The following CLEC5A variants were observed in gnomAD, a reference collection of about 807,000 sequenced individuals.
CLEC5A encodes the protein C-type lectin domain family 5 member A.
CLEC5A carries 15 observed loss-of-function variants against 24.4 expected under a neutral mutation model. That is an observed-to-expected ratio of 0.62 (90% CI 0.41 to 0.95). CLEC5A has a LOEUF of 0.95. CLEC5A is among the 40% of genes least tolerant of loss of function. The pLI, the probability that CLEC5A is intolerant of heterozygous loss-of-function variation, is 0.00. For missense variants in CLEC5A, 211 were observed against 224.0 expected (o/e 0.94, Z 0.37); for synonymous variants, 71 against 72.6 (o/e 0.98, Z 0.11).
intron 5 of CLEC5A, among the ~76,000 whole-genome samples, chr7:141,932,251 A>G (rs1802490402): frequency 6.6e-6 from 1 of 152,222 alleles, no homozygotes; most frequent in Non-Finnish European, 1.5e-5. Flanking sequence ...TTGTATGCTA[A>G]GTGAGGCTGA....
At chr7:141,933,900 A>T (rs1554440724) in intron 5 of CLEC5A, among the ~76,000 whole-genome samples, 1 of 152,068 alleles carries the variant, frequency 6.6e-6, no homozygotes, top group African/African-American at 2.4e-5. Flanking sequence ...CCGGCTGCGC[A>T]GCTGTGAATG....
At chr7:141,930,933 G>A (rs1802439165) in intron 6 of CLEC5A, among the ~76,000 whole-genome samples, 1 of 152,206 alleles carries the variant, frequency 6.6e-6, no homozygotes. Flanking sequence ...CTGAATAAAT[G>A]TCAATTTCCT....
rs1554439815 is a variant in CLEC5A, at chr7:141,928,539, A to G, written c.*1565T>C. 1 of 152,148 alleles carries G rather than the reference A, an allele frequency of 6.6e-6. No homozygotes were observed. The highest frequency in any genetic ancestry group is 2.4e-5 in the African/African-American group (1 of 41,420). The allele number at this position is 152,148 out of a possible 1,614,324, so 9.4% of individuals were successfully genotyped here. ...ACTTGTATCTCCACCGGCTACTAAT[A>G]TAATTCCAATTTCCACCCCATCTCA... On this transcript the variant is annotated 3_prime_UTR_variant, in exon 7 of 7. Transcript: ENST00000546910.
chr7:141,940,751 C>T (rs1481160207), intron 4 of CLEC5A, among the ~76,000 whole-genome samples: 1 of 149,562 alleles, frequency 6.7e-6, no homozygotes, highest in African/African-American at 2.4e-5. Context: ...GGAGACATTA[C>T]AATGGATGGC....
Position 141,930,112 on chromosome 7 carries a change from C to T in CLEC5A, c.559G>A (p.Ala187Thr). The change falls in exon 7 of 7, where the codon GCC becomes ACC. Residue 187 changes from alanine to threonine, a missense_variant. Transcript: ENST00000546910. ...ISYRRICEKNAK is the reference protein window; with the variant it reads ...ISYRRICEKNTK ...GTCACAGGGAACTGTGATCATTTGGCATTCTTCTCACAGATCCTGCGGTAG... is the reference window on the plus strand; with the variant it reads ...GTCACAGGGAACTGTGATCATTTGGTATTCTTCTCACAGATCCTGCGGTAG... The T allele has an allele frequency of 6.2e-7, 1 of 1,613,022 alleles. No homozygotes were observed. Among genetic ancestry groups the T allele is most frequent in the Non-Finnish European group, 8.5e-7 (1 of 1,179,088 alleles).
rs782261538 is a variant in CLEC5A, at chr7:141,946,229, A to G, written c.64T>C (p.Leu22=). ...AAATACTCACAATAAAGTAGAAATAAGGTCATTCCAACAACTTTAAGCACT... is the reference window on the plus strand; with the variant it reads ...AAATACTCACAATAAAGTAGAAATAGGGTCATTCCAACAACTTTAAGCACT... ...VVVLKVVGMT[L]FLLYFPQIFN... Residue 22 remains leucine (L), a synonymous_variant, in exon 2 of 7, where the codon TTA becomes CTA. Transcript: ENST00000546910. 1.3e-6 allele frequency: 2 copies of G among 1,566,956 alleles called. No homozygotes were observed. The highest frequency in any genetic ancestry group is 8.7e-7 in the Non-Finnish European group (1 of 1,154,414).
chr7:141,940,728 C>T (rs1283900127), intron 4 of CLEC5A, among the ~76,000 whole-genome samples: 1 of 149,520 alleles, frequency 6.7e-6, no homozygotes, highest in Non-Finnish European at 1.5e-5. Flanking sequence ...TTAATAAAAT[C>T]AGAGATGAAA....
intron 1 of CLEC5A, among the ~76,000 whole-genome samples, chr7:141,946,589 C>G (rs1462793174): frequency 6.6e-6 from 1 of 152,190 alleles, no homozygotes; most frequent in Non-Finnish European, 1.5e-5. Flanking sequence ...TAAATTCTGT[C>G]TAATAATTAA....
At chr7:141,942,966 A>G (rs897261581) in intron 4 of CLEC5A, among the ~76,000 whole-genome samples, 7 of 152,200 alleles carry the variant, frequency 4.6e-5, no homozygotes, top group African/African-American at 7.2e-5. Context: ...GAACCCTCAT[A>G]CATTGTTGGT....
chr7:141,935,537 C>T (rs190081892), intron 5 of CLEC5A, among the ~76,000 whole-genome samples: 12 of 152,234 alleles, frequency 7.9e-5, no homozygotes, highest in Admixed American at 7.2e-4. Flanking sequence ...AATGTCTTGG[C>T]CCATCCCCAG....
At chr7:141,940,913 G>A (rs1275093452) in intron 4 of CLEC5A, among the ~76,000 whole-genome samples, 1 of 151,964 alleles carries the variant, frequency 6.6e-6, no homozygotes, top group Admixed American at 6.6e-5. Context: ...TCAATAACAA[G>A]TAATGAGATG....
chr7:141,929,990 T>C lies in CLEC5A; in HGVS notation c.*114A>G. ...GAAGAAAGAAGCTCAGTTTCCCAAA[T>C]GGGCAAGGACCGCTACTGGTAGACA... On this transcript the variant is annotated 3_prime_UTR_variant, in exon 7 of 7. Transcript: ENST00000546910. The C allele has an allele frequency of 2.7e-6, 2 of 734,954 alleles. No homozygotes were observed. The highest frequency in any genetic ancestry group is 4.4e-6 in the Non-Finnish European group (2 of 451,646). The allele number at this position is 734,954 out of a possible 1,614,324, so 45.5% of individuals were successfully genotyped here. A position where few individuals can be genotyped will look rare whatever the true frequency, so the allele number is the denominator to read the frequency against.
In CLEC5A at chr7:141,927,964, T is replaced by A. The variant is rs1365904463; in HGVS notation, c.*2140A>T. 6.6e-6 allele frequency: 1 copy of A among 152,130 alleles called. No individual in the cohort carries two copies. Among genetic ancestry groups the A allele is most frequent in the Non-Finnish European group, 1.5e-5 (1 of 68,030 alleles). The allele number at this position is 152,130 out of a possible 1,614,324, so 9.4% of individuals were successfully genotyped here. On this transcript the variant is annotated 3_prime_UTR_variant, in exon 7 of 7. Transcript: ENST00000546910. The stretch of plus-strand genomic sequence containing the variant: ...TACCCCATTTTATCAGTAAGGAAAT[T>A]AAGACCAAGAAAGGGTAAGAAAACT...
chr7:141,936,358 T>C (rs1802625977), intron 4 of CLEC5A: 1 of 252,406 alleles, frequency 4.0e-6, no homozygotes, highest in Non-Finnish European at 7.6e-6. Flanking sequence ...CCTGCTGCAG[T>C]GACAGCATGG....
chr7:141,937,158 TA>T (rs1270869205), intron 4 of CLEC5A, among the ~76,000 whole-genome samples: 4 of 151,714 alleles, frequency 2.6e-5, no homozygotes, highest in Admixed American at 6.6e-5. Flanking sequence ...GAGAGAAAAG[TA>T]AAGGGGGCTT....
chr7:141,929,009 G>T lies in CLEC5A; in HGVS notation c.*1095C>A. 6.6e-6 allele frequency: 1 copy of T among 152,244 alleles called. No homozygotes were observed. The highest frequency in any genetic ancestry group is 1.5e-5 in the Non-Finnish European group (1 of 68,048). 9.4% of individuals were successfully genotyped at this position (152,244 alleles called of 1,614,324 possible). A position where few individuals can be genotyped will look rare whatever the true frequency, so the allele number is the denominator to read the frequency against. ...TCTTTCTTGCCTTTCTTCCAGTGTG[G>T]CCAAATGAACTCCCTGTTTCCTGTC... On this transcript the variant is annotated 3_prime_UTR_variant, in exon 7 of 7. Transcript: ENST00000546910.
chr7:141,943,114 A>G (rs930086467), intron 4 of CLEC5A, among the ~76,000 whole-genome samples: 1 of 152,204 alleles, frequency 6.6e-6, no homozygotes, highest in Non-Finnish European at 1.5e-5. Flanking sequence ...TTGAAGAGAC[A>G]TCTGCACTCC....
At chr7:141,944,079 C>A (rs1554441886) in intron 3 of CLEC5A, 115 bp from the exon 4 acceptor site, 2 of 713,990 alleles carry the variant, frequency 2.8e-6, no homozygotes, top group Non-Finnish European at 5.2e-6. Context: ...AAGCTCTTGG[C>A]CACTCTGAGC....
At chr7:141,943,158 G>A (rs1554441783) in intron 4 of CLEC5A, among the ~76,000 whole-genome samples, 1 of 152,078 alleles carries the variant, frequency 6.6e-6, no homozygotes, top group East Asian at 1.9e-4. Flanking sequence ...CAATAGCCAA[G>A]ATTTGGAAAC....
Sources: gnomAD v4.1 joint callset for allele counts (sites outside exome capture counted in the v4.1 genomes callset) on GRCh38, gnomAD v4.1.1 for gene constraint, MANE v1.5 for transcripts, NCBI Gene and HGNC (gene_info 2026-07-23, HGNC 2026-07-21) for gene names.